The following MUSK variants were observed in gnomAD, a reference collection of about 807,000 sequenced individuals.
MUSK encodes muscle associated receptor tyrosine kinase.
Under a neutral mutation model 88.7 loss-of-function variants are expected in MUSK, and 55 were observed. The ratio of observed to expected loss-of-function variants is 0.62; its 90% CI spans 0.50 to 0.78. The LOEUF (loss-of-function observed/expected upper bound fraction) is 0.78. Among genes scored for constraint, MUSK ranks in the 30% least tolerant of loss-of-function variants. MUSK has a pLI of 0.00. For synonymous variants in MUSK, 387 were observed against 391.9 expected, an observed-to-expected ratio of 0.99 and a Z score of 0.15; for missense variants, 1,015 against 1,074.3, an observed-to-expected ratio of 0.94 and a Z score of 0.77.
chr9:110,695,936 G>A (rs1443302812), intron 4 of MUSK, among the ~76,000 whole-genome samples: 2 of 152,118 alleles, frequency 1.3e-5, no homozygotes, highest in Non-Finnish European at 2.9e-5. Context: ...GAAAAGAAAT[G>A]AGATCTCTGG....
rs775531847 is a variant in MUSK, at chr9:110,785,756, A to G, written c.1778+38A>G. ...ATGGAAAAAAAAACTCCATTGAAAT[A>G]TGTTATGTCTGAAAAGCTACCAAAC... On this transcript the variant is annotated intron_variant, in intron 13 of 14. Coordinates refer to ENST00000374448, the MANE Select transcript of MUSK (RefSeq NM_005592.4). 5 of 1,522,586 alleles carry G rather than the reference A, an allele frequency of 3.3e-6. No homozygotes were observed. In the South Asian group the frequency reaches 6.5e-5, roughly 20 times the overall value. 94.3% of individuals were successfully genotyped at this position (1,522,586 alleles called of 1,614,324 possible). A position where few individuals can be genotyped will look rare whatever the true frequency, so the allele number is the denominator to read the frequency against.
chr9:110,720,297 C>G (rs1054901284), intron 5 of MUSK, among the ~76,000 whole-genome samples: 1 of 151,708 alleles, frequency 6.6e-6, no homozygotes, highest in Non-Finnish European at 1.5e-5. Context: ...ATAAATGAAA[C>G]AAAAAGCTGG....
chr9:110,674,785 A>C (rs2076003515), intron 1 of MUSK, among the ~76,000 whole-genome samples: 1 of 151,552 alleles, frequency 6.6e-6, no homozygotes, highest in Non-Finnish European at 1.5e-5. Flanking sequence ...CTAATTTTTA[A>C]ATTTTTTGTA....
intron 9 of MUSK, among the ~76,000 whole-genome samples, chr9:110,771,630 G>T (rs765817689): frequency 2.6e-5 from 4 of 152,132 alleles, no homozygotes; most frequent in Non-Finnish European, 4.4e-5. Flanking sequence ...GATGGAAATA[G>T]TTATGTGAAG....
At position 110,775,965 on chromosome 9, in the gene MUSK, T is replaced by C; in HGVS notation, c.1360+2T>C. 1 of 1,604,654 alleles carries C rather than the reference T, an allele frequency of 6.2e-7. No individual in the cohort carries two copies. The highest frequency in any genetic ancestry group is 8.5e-7 in the Non-Finnish European group (1 of 1,174,530). The stretch of plus-strand genomic sequence containing the variant: ...CCTGTGCCAGACTGCCACATCTAGG[T>C]AACACAGAGTTCTCCCAAGACTTTG... On this transcript the variant is annotated splice_donor_variant, in intron 10 of 14. Transcript: ENST00000374448. LOFTEE classifies it high-confidence loss of function.
chr9:110,697,696 T>C (rs1403706348), intron 5 of MUSK, among the ~76,000 whole-genome samples: 1 of 152,238 alleles, frequency 6.6e-6, no homozygotes, highest in Non-Finnish European at 1.5e-5. Flanking sequence ...TCACAATCAC[T>C]GGTAATTTTT....
intron 9 of MUSK, among the ~76,000 whole-genome samples, chr9:110,770,543 T>A (rs983485689): frequency 6.7e-6 from 1 of 148,442 alleles, no homozygotes; most frequent in African/African-American, 2.5e-5. Flanking sequence ...TATTTTTAAA[T>A]ATAAAATTTA....
chr9:110,751,871 C>T (rs577340618), intron 7 of MUSK, among the ~76,000 whole-genome samples: 4 of 152,032 alleles, frequency 2.6e-5, no homozygotes, highest in Admixed American at 6.5e-5. Context: ...GCACGATGTT[C>T]GGAGTCAAGT....
chr9:110,780,744 T>A (rs1362743869), intron 11 of MUSK, among the ~76,000 whole-genome samples: 1 of 152,196 alleles, frequency 6.6e-6, no homozygotes, highest in African/African-American at 2.4e-5. Flanking sequence ...TGTAAGTAAT[T>A]TATTCTTTCT....
chr9:110,773,833 G>T (rs2131980043), intron 9 of MUSK, among the ~76,000 whole-genome samples: 1 of 152,156 alleles, frequency 6.6e-6, no homozygotes, highest in Non-Finnish European at 1.5e-5. Context: ...CCTGACTTTT[G>T]TTCCTTTGTA....
intron 1 of MUSK, among the ~76,000 whole-genome samples, chr9:110,680,991 TTATAA>T (rs1267846045): frequency 8.6e-5 from 5 of 57,976 alleles, no homozygotes; most frequent in Admixed American, 5.1e-4. Flanking sequence ...ATAATGATCC[TTATAA>T]TATATTATAT....
chr9:110,716,811 A>C (rs771884141), intron 5 of MUSK, among the ~76,000 whole-genome samples: 2 of 150,376 alleles, frequency 1.3e-5, no homozygotes, highest in African/African-American at 2.5e-5. Context: ...TGTTAAGTGC[A>C]TACACATTAA....
intron 5 of MUSK, among the ~76,000 whole-genome samples, chr9:110,702,581 G>A (rs930870988): frequency 3.3e-5 from 5 of 152,112 alleles, no homozygotes; most frequent in African/African-American, 1.2e-4. Flanking sequence ...CATCAGCACA[G>A]TCTGGGAATT....
At chr9:110,674,119 G>A (rs1321984292) in intron 1 of MUSK, among the ~76,000 whole-genome samples, 1 of 151,860 alleles carries the variant, frequency 6.6e-6, no homozygotes, top group Non-Finnish European at 1.5e-5. Context: ...GTTTATTTCT[G>A]CAGTAAAATA....
chr9:110,689,778 AGTT>A, intron 3 of MUSK, among the ~76,000 whole-genome samples: 1 of 66,846 alleles, frequency 1.5e-5, no homozygotes, highest in African/African-American at 6.0e-5. Flanking sequence ...TATCACATAT[AGTT>A]TATATATTTT....
chr9:110,766,497 G>C (rs1269683785), intron 8 of MUSK, among the ~76,000 whole-genome samples: 7 of 152,148 alleles, frequency 4.6e-5, no homozygotes, highest in Admixed American at 2.6e-4. Context: ...ATGAATTAAA[G>C]GAAGACTCTA....
intron 4 of MUSK, 101 bp downstream of exon 4, chr9:110,695,631 T>A: frequency 2.1e-6 from 2 of 955,024 alleles, no homozygotes; most frequent in Non-Finnish European, 3.0e-6. Flanking sequence ...TAGTATAAAG[T>A]AGTTTCCATG....
intron 1 of MUSK, among the ~76,000 whole-genome samples, chr9:110,670,718 C>T (rs1270804107): frequency 6.6e-6 from 1 of 152,082 alleles, no homozygotes. Flanking sequence ...TTATTTACTA[C>T]TAGAATTAGG....
intron 5 of MUSK, among the ~76,000 whole-genome samples, chr9:110,733,201 C>T (rs2076986225): frequency 6.6e-6 from 1 of 152,088 alleles, no homozygotes; most frequent in Non-Finnish European, 1.5e-5. Flanking sequence ...AATAGGCCAT[C>T]CAAAAGATTC....
Sources: gnomAD v4.1 joint callset for allele counts (sites outside exome capture counted in the v4.1 genomes callset) on GRCh38, gnomAD v4.1.1 for gene constraint, MANE v1.5 for transcripts, NCBI Gene and HGNC (gene_info 2026-07-23, HGNC 2026-07-21) for gene names.